TAF4B: variants seen among roughly 807,000 people sequenced by gnomAD.
TAF4B encodes TATA-box binding protein associated factor 4b, also known as transcription initiation factor TFIID subunit 4B.
Under a neutral mutation model 86.4 loss-of-function variants are expected in TAF4B, and 38 were observed. The observed-to-expected ratio is 0.44, with a 90% CI of 0.34 to 0.58. The LOEUF (loss-of-function observed/expected upper bound fraction) is 0.58. TAF4B is among the 20% of genes least tolerant of loss of function. The pLI is 0.02. For synonymous variants in TAF4B, 388 were observed against 391.2 expected, an observed-to-expected ratio of 0.99 and a Z score of 0.10; for missense variants, 988 against 1,027.6, an observed-to-expected ratio of 0.96 and a Z score of 0.53.
At chr18:26,280,615 C>T in intron 5 of TAF4B, among the ~76,000 whole-genome samples, 1 of 152,132 alleles carries the variant, frequency 6.6e-6, no homozygotes, top group East Asian at 1.9e-4. Flanking sequence ...ACCACTCATA[C>T]TAGTCAAAAT....
chr18:26,346,625 ATTC>A (rs1358575634), intron 13 of TAF4B, among the ~76,000 whole-genome samples: 1 of 150,248 alleles, frequency 6.7e-6, no homozygotes, highest in Non-Finnish European at 1.5e-5. Flanking sequence ...AAATAAAGGT[ATTC>A]TTATCAGATT....
At chr18:26,348,925 A>G (rs1292225371) in intron 13 of TAF4B, 2 of 152,278 alleles carry the variant, frequency 1.3e-5, no homozygotes, top group Admixed American at 6.5e-5. Context: ...TCTACCTCAG[A>G]GCGGCCATAC....
intron 9 of TAF4B, among the ~76,000 whole-genome samples, chr18:26,297,430 A>G (rs1215854915): frequency 6.6e-6 from 1 of 152,192 alleles, no homozygotes; most frequent in African/African-American, 2.4e-5. Context: ...AACTGGTCTC[A>G]GGTTACAACA....
chr18:26,304,954 T>C, intron 9 of TAF4B: 1 of 792,498 alleles, frequency 1.3e-6, no homozygotes, highest in Non-Finnish European at 1.5e-6. Context: ...CTTATGTACA[T>C]ATGCTGGACA....
intron 13 of TAF4B, among the ~76,000 whole-genome samples, chr18:26,349,725 G>A (rs1006149988): frequency 1.3e-5 from 2 of 152,146 alleles, no homozygotes; most frequent in African/African-American, 4.8e-5. Flanking sequence ...ATATGGAACT[G>A]CAAAAGACCT....
intron 3 of TAF4B, among the ~76,000 whole-genome samples, chr18:26,271,603 A>C (rs899915847): frequency 3.3e-5 from 5 of 152,138 alleles, no homozygotes; most frequent in Non-Finnish European, 7.4e-5. Flanking sequence ...TGGTCTGTTG[A>C]GTCAAAGGCG....
At chr18:26,247,481 A>C (rs1157457654) in intron 1 of TAF4B, among the ~76,000 whole-genome samples, 2 of 152,188 alleles carry the variant, frequency 1.3e-5, no homozygotes, top group African/African-American at 4.8e-5. Flanking sequence ...TTTTAAATTA[A>C]AAAGATGATG....
rs144322358 is a variant in TAF4B at position 26,283,021 on chromosome 18, A to T, written c.972+961A>T. On this transcript the variant is annotated intron_variant, in intron 6 of 14. Coordinates refer to ENST00000269142, the MANE Select transcript of TAF4B (RefSeq NM_005640.3). Reference sequence around the variant, plus strand: ...CTGTGGTTCTCTTGCTATTTCTAGCATATCTGCAGTGACTTCTTCCACTGA... The same window carrying T: ...CTGTGGTTCTCTTGCTATTTCTAGCTTATCTGCAGTGACTTCTTCCACTGA... Among the ~76,000 whole-genome samples the T allele has an allele frequency of 1.8e-3, 279 of 152,340 alleles. 1 individual carries two copies. Among genetic ancestry groups the T allele is most frequent in the African/African-American group, 6.3e-3 (261 of 41,582 alleles).
intron 13 of TAF4B, among the ~76,000 whole-genome samples, chr18:26,346,803 A>G (rs58537258): frequency 0.26 from 4,599 of 17,394 alleles, 1,133 homozygotes; most frequent in Middle Eastern, 0.39. Context: ...ATATATGTGT[A>G]TATATATATA....
Position 26,282,009 on chromosome 18 carries a change from G to A in TAF4B, c.921G>A (p.Leu307=), listed in dbSNP as rs1473145387. The A allele has an allele frequency of 5.6e-6, 9 of 1,613,368 alleles. No individual in the cohort carries two copies. The highest frequency in any genetic ancestry group is 7.6e-6 in the Non-Finnish European group (9 of 1,179,774). The part of the protein sequence containing the change: ...KIEAEEFTRK[L]YVELKSSPQP... ...AAGCAGAAGAATTTACTAGGAAACTGTATGTTGAACTCAAGTCTTCACCTC... is the reference window on the plus strand; with the variant it reads ...AAGCAGAAGAATTTACTAGGAAACTATATGTTGAACTCAAGTCTTCACCTC... The change falls in exon 6 of 15, where the codon CTG becomes CTA. Residue 307 remains leucine, a synonymous_variant. Transcript: ENST00000269142.
chr18:26,358,578 C>T (rs897497740), intron 14 of TAF4B, among the ~76,000 whole-genome samples: 7 of 152,072 alleles, frequency 4.6e-5, no homozygotes, highest in Non-Finnish European at 7.4e-5. Context: ...AACGTGGTGG[C>T]GGGCACCTGT....
chr18:26,281,256 A>C lies in TAF4B; in HGVS notation c.883-715A>C, dbSNP rs537502036. Among the ~76,000 whole-genome samples the C allele has an allele frequency of 1.5e-4, 23 of 151,340 alleles. 1 individual carries two copies. In the South Asian group the frequency reaches 4.2e-3, roughly 28 times the overall value. ...ACTTGTACTTGTACCTCTTGAATCT[A>C]AAATAAAAGCTGAATTTTTTTTTTA... On this transcript the variant is annotated intron_variant, in intron 5 of 14. Coordinates refer to ENST00000269142, the MANE Select transcript of TAF4B (RefSeq NM_005640.3).
intron 1 of TAF4B, among the ~76,000 whole-genome samples, chr18:26,230,675 C>T (rs946819211): frequency 2.6e-4 from 40 of 152,094 alleles, no homozygotes; most frequent in Non-Finnish European, 4.7e-4. Context: ...ATTTGGATGC[C>T]GTGCTTTCAC....
rs2056650564 is a variant in TAF4B, at chr18:26,295,408, G to A, written c.1832+1877G>A. 4.0e-5 allele frequency: 7 copies of A among 174,142 alleles called. No individual in the cohort carries two copies. In the South Asian group the frequency reaches 8.8e-4, roughly 22 times the overall value. The allele number at this position is 174,142 out of a possible 1,614,324, so 10.8% of individuals were successfully genotyped here. ...TTTTTCCACAGACCAGGATTGAGGGGGAGGGGATAGTTTCCACTTCAGATA... is the reference window on the plus strand; with the variant it reads ...TTTTTCCACAGACCAGGATTGAGGGAGAGGGGATAGTTTCCACTTCAGATA... On this transcript the variant is annotated intron_variant, in intron 9 of 14. Transcript: ENST00000269142.
rs571112454 is a variant in TAF4B at position 26,317,089 on chromosome 18, G to T, written c.2002+1691G>T. 8.7e-5 allele frequency among the ~76,000 whole-genome samples: 13 copies of T among 149,588 alleles called. No individual in the cohort carries two copies. The South Asian group carries it at 1.7e-3, about 20-fold the overall frequency. ...TTGTTGCCCAGGCTGCAGTGCAGTGGCACGATCTCGGCTCACTATAACCTC... is the reference window on the plus strand; with the variant it reads ...TTGTTGCCCAGGCTGCAGTGCAGTGTCACGATCTCGGCTCACTATAACCTC... On this transcript the variant is annotated intron_variant, in intron 10 of 14. Coordinates refer to ENST00000269142, the MANE Select transcript of TAF4B (RefSeq NM_005640.3).
intron 13 of TAF4B, among the ~76,000 whole-genome samples, chr18:26,342,676 T>A (rs1437264943): frequency 6.6e-6 from 1 of 152,226 alleles, no homozygotes; most frequent in Non-Finnish European, 1.5e-5. Flanking sequence ...AAAATAATCT[T>A]CAATTACTGT....
chr18:26,340,611 G>C (rs1353293182), intron 13 of TAF4B, among the ~76,000 whole-genome samples: 1 of 152,092 alleles, frequency 6.6e-6, no homozygotes, highest in Non-Finnish European at 1.5e-5. Context: ...CAGATTACTA[G>C]GTCCCACAAC....
intron 13 of TAF4B, among the ~76,000 whole-genome samples, chr18:26,341,006 T>A (rs2057130963): frequency 1.3e-5 from 2 of 152,136 alleles, no homozygotes; most frequent in African/African-American, 4.8e-5. Flanking sequence ...TATTAGAGAT[T>A]CATAAGAAGA....
intron 9 of TAF4B, among the ~76,000 whole-genome samples, chr18:26,312,070 T>G (rs963706232): frequency 6.6e-6 from 1 of 152,202 alleles, no homozygotes; most frequent in African/African-American, 2.4e-5. Flanking sequence ...GAGGCACTAT[T>G]AAGTTTGTTT....
Sources: gnomAD v4.1 joint callset for allele counts (sites outside exome capture counted in the v4.1 genomes callset) on GRCh38, gnomAD v4.1.1 for gene constraint, MANE v1.5 for transcripts, NCBI Gene and HGNC (gene_info 2026-07-23, HGNC 2026-07-21) for gene names.